Variants in GPAT3 observed in about 807,000 individuals in gnomAD.
GPAT3 encodes glycerol-3-phosphate acyltransferase 3, also known as 1-AGP acyltransferase 9.
Under a neutral mutation model 58.8 loss-of-function variants are expected in GPAT3, and 53 were observed. The ratio of observed to expected loss-of-function variants is 0.90; its 90% CI spans 0.72 to 1.13. The LOEUF is 1.13. Ranked by LOEUF, GPAT3 falls within the 50% of genes most tolerant of loss-of-function variation. GPAT3 has a pLI of 0.00. For missense variants in GPAT3, 511 were observed against 527.6 expected (o/e 0.97, Z 0.31); for synonymous variants, 197 against 187.4 (o/e 1.05, Z -0.42).
At chr4:83,604,562 C>T in intron 11 of GPAT3, 106 bp from the exon 12 acceptor site, 1 of 802,282 alleles carries the variant, frequency 1.2e-6, no homozygotes, top group Non-Finnish European at 1.9e-6. Context: ...TTATTTCATC[C>T]CAGCTGCCTA....
intron 2 of GPAT3, among the ~76,000 whole-genome samples, chr4:83,562,226 A>T (rs867141266): frequency 4.6e-4 from 29 of 62,500 alleles, no homozygotes; most frequent in African/African-American, 6.5e-4. Flanking sequence ...TATATATATA[A>T]TATATATATA....
At chr4:83,582,077 T>A (rs1726160375) in intron 3 of GPAT3, among the ~76,000 whole-genome samples, 1 of 152,190 alleles carries the variant, frequency 6.6e-6, no homozygotes, top group South Asian at 2.1e-4. Context: ...ACTTTGCTAT[T>A]AGAGTCTGAG....
intron 2 of GPAT3, among the ~76,000 whole-genome samples, chr4:83,578,960 C>CTTTCTTTCTTTCTT (rs1725938671): frequency 1.2e-5 from 1 of 85,650 alleles, no homozygotes; most frequent in Non-Finnish European, 2.2e-5. Flanking sequence ...TTCTTTCTTT[C>CTTTCTTTCTTTCTT]TTTCTTTCTT....
At chr4:83,550,805 T>C (rs1374562546) in intron 2 of GPAT3, among the ~76,000 whole-genome samples, 3 of 152,160 alleles carry the variant, frequency 2.0e-5, no homozygotes, top group Non-Finnish European at 2.9e-5. Flanking sequence ...AATATGAAAG[T>C]TTTTTGTGGG....
In GPAT3 at chr4:83,559,162, T is replaced by C. The variant is rs569274933; in HGVS notation, c.208+14560T>C. ...AGGTATAAGTTATATAACAAAGCTC[T>C]TTTCATTTTCTTAACAGTGCCTGGT... On this transcript the variant is annotated intron_variant, in intron 2 of 11. Transcript: ENST00000264409. Among the ~76,000 whole-genome samples the C allele has an allele frequency of 7.9e-4, 121 of 152,212 alleles. 6 individuals are homozygous for C. Among genetic ancestry groups the C allele is most frequent in the Non-Finnish European group, 3.1e-4 (21 of 68,036 alleles).
At chr4:83,547,853 CT>C (rs10536598) in intron 2 of GPAT3, among the ~76,000 whole-genome samples, 19,051 of 133,092 alleles carry the variant, frequency 0.14, 1,127 homozygotes, top group East Asian at 0.29. Flanking sequence ...TTCTTCTTCC[CT>C]TTTTTTTTTT....
chr4:83,535,971 G>C, upstream of GPAT3: 1 of 985,502 alleles, frequency 1.0e-6, no homozygotes, highest in Non-Finnish European at 1.2e-6. Flanking sequence ...GGCGGGGCGC[G>C]GGGAAGAACG....
At chr4:83,577,967 T>C (rs1255124813) in intron 2 of GPAT3, among the ~76,000 whole-genome samples, 1 of 151,812 alleles carries the variant, frequency 6.6e-6, no homozygotes, top group Non-Finnish European at 1.5e-5. Flanking sequence ...GCCTGGCTAA[T>C]TTTTTGTATT....
intron 2 of GPAT3, among the ~76,000 whole-genome samples, chr4:83,562,199 A>ATATATATATTAT (rs5859879): frequency 5.5e-5 from 2 of 36,046 alleles, no homozygotes; most frequent in African/African-American, 1.7e-4. Flanking sequence ...ATATATATAT[A>ATATATATATTAT]ATATATATAT....
chr4:83,595,272 T>A (rs1378467701), intron 7 of GPAT3: 2 of 176,712 alleles, frequency 1.1e-5, no homozygotes, highest in African/African-American at 4.7e-5. Context: ...CTCACTTGAG[T>A]ATAAGCAATT....
At chr4:83,590,361 C>T in intron 6 of GPAT3, 69 bp downstream of exon 6, 1 of 1,463,852 alleles carries the variant, frequency 6.8e-7, no homozygotes. Flanking sequence ...TTTATTTTGG[C>T]ATAAATTAGC....
In GPAT3 at chr4:83,605,489, C is replaced by A. The variant is rs1156678542; in HGVS notation, c.*722C>A. The stretch of plus-strand genomic sequence containing the variant: ...CTGTAGATCTGTACCTAGTACCCCT[C>A]CCATCTACTGATTTGTTTGTTTTTG... On this transcript the variant is annotated 3_prime_UTR_variant, in exon 12 of 12. Transcript: ENST00000264409. 3.3e-5 allele frequency: 5 copies of A among 152,290 alleles called. No homozygotes were observed. 9.4% of individuals were successfully genotyped at this position (152,290 alleles called of 1,614,324 possible). A position where few individuals can be genotyped will look rare whatever the true frequency, so the allele number is the denominator to read the frequency against.
At chr4:83,551,005 C>T (rs1724729333) in intron 2 of GPAT3, among the ~76,000 whole-genome samples, 1 of 152,206 alleles carries the variant, frequency 6.6e-6, no homozygotes. Context: ...TTAGTTCAAT[C>T]ACTTTGGAGA....
At chr4:83,576,412 T>TTTTA (rs35514780) in intron 2 of GPAT3, among the ~76,000 whole-genome samples, 55,268 of 142,528 alleles carry the variant, frequency 0.39, 11,207 homozygotes, top group African/African-American at 0.42. Flanking sequence ...GAAAATATCA[T>TTTTA]TTTATTTATT....
intron 2 of GPAT3, among the ~76,000 whole-genome samples, chr4:83,578,973 T>TTTCTTTCTTTCTTTCC (rs1560620693): frequency 7.6e-6 from 1 of 131,640 alleles, no homozygotes; most frequent in African/African-American, 3.1e-5. Context: ...TCTTTCTTTC[T>TTTCTTTCTTTCTTTCC]TTCTTTCTTT....
At chr4:83,579,047 T>TTCCTTCCTTCC (rs1725972716) in intron 2 of GPAT3, among the ~76,000 whole-genome samples, 1 of 38,768 alleles carries the variant, frequency 2.6e-5, no homozygotes, top group African/African-American at 1.2e-4. Flanking sequence ...TCTTTCTTTC[T>TTCCTTCCTTCC]TTCTTTCTTT....
chr4:83,583,667 G>GAAAAAAAAAA lies in GPAT3; in HGVS notation c.479+1856_479+1865dup, dbSNP rs749976752. Among the ~76,000 whole-genome samples the GAAAAAAAAAA allele has an allele frequency of 1.0e-3, 24 of 23,478 alleles. 3 individuals are homozygous for GAAAAAAAAAA. The highest frequency in any genetic ancestry group is 4.4e-3 in the African/African-American group (23 of 5,232). 15.4% of individuals were successfully genotyped at this position (23,478 alleles called of 152,430 possible). On this transcript the variant is annotated intron_variant, in intron 3 of 11. Coordinates refer to ENST00000264409, the MANE Select transcript of GPAT3 (RefSeq NM_032717.5). ...GGGTGACAGAGCGAGACTCTTGTCT[G>GAAAAAAAAAA]AAAAAAAAAAAAAAAAAAAAAAAAA... is the stretch of plus-strand genomic sequence containing the variant.
chr4:83,549,447 G>A (rs1041145365), intron 2 of GPAT3, among the ~76,000 whole-genome samples: 7 of 122,348 alleles, frequency 5.7e-5, no homozygotes, highest in African/African-American at 2.0e-4. Flanking sequence ...TATTTTGCGT[G>A]TGTGTGTGTG....
intron 2 of GPAT3, among the ~76,000 whole-genome samples, chr4:83,578,493 C>T (rs1227279113): frequency 6.6e-6 from 1 of 152,154 alleles, no homozygotes; most frequent in Non-Finnish European, 1.5e-5. Flanking sequence ...TTGGCTCAGT[C>T]AAATAATATG....
Sources: allele counts gnomAD v4.1 joint callset (sites outside exome capture counted in the v4.1 genomes callset), GRCh38; gene constraint gnomAD v4.1.1; transcripts MANE v1.5; gene names NCBI Gene and HGNC (gene_info 2026-07-23, HGNC 2026-07-21).